The following HSD17B3 variants were observed in gnomAD, a reference collection of about 807,000 sequenced individuals.
The protein encoded by HSD17B3 is hydroxysteroid 17-beta dehydrogenase 3, also known as 17-beta-hydroxysteroid dehydrogenase type 3.
HSD17B3 carries 29 observed loss-of-function variants against 41.1 expected under a neutral mutation model. The ratio of observed to expected loss-of-function variants is 0.71; its 90% confidence interval spans 0.53 to 0.96. The LOEUF (loss-of-function observed/expected upper bound fraction) is 0.96. HSD17B3 is among the 40% of genes least tolerant of loss of function. The probability of loss-of-function intolerance (pLI) is 0.00; values close to 1 mark genes in which losing one functional copy is unlikely to be tolerated. For missense variants in HSD17B3, 323 were observed against 374.6 expected (o/e 0.86, Z 1.14); for synonymous variants, 126 against 145.6 (o/e 0.87, Z 0.97).
In HSD17B3 at chr9:96,280,847, CT is replaced by C. The variant is rs145834001; in HGVS notation, c.201+17568del. Among the ~76,000 whole-genome samples the C allele has an allele frequency of 3.3e-3, 505 of 152,278 alleles. 7 individuals carry two copies. Among genetic ancestry groups the C allele is most frequent in the African/African-American group, 0.011 (457 of 41,556 alleles). ...ACCAATATGGCGAGGAGAGTGACCT[CT>C]GGTCATCCTCATTGCTACACTCCCA... On this transcript the variant is annotated intron_variant, in intron 2 of 10. Coordinates refer to ENST00000375263, the MANE Select transcript of HSD17B3 (RefSeq NM_000197.2).
At chr9:96,245,478 T>G (rs1332495332) in intron 7 of HSD17B3, 52 bp from the exon 8 acceptor site, 1 of 1,383,396 alleles carries the variant, frequency 7.2e-7, no homozygotes, top group Admixed American at 1.7e-5. Flanking sequence ...TACCTGACCT[T>G]GAGTACAAAG....
At chr9:96,249,135 G>C (rs371531057) in intron 6 of HSD17B3, among the ~76,000 whole-genome samples, 1 of 152,094 alleles carries the variant, frequency 6.6e-6, no homozygotes. Flanking sequence ...TCCAACTCCT[G>C]ACCTCAGGTG....
chr9:96,285,188 T>C (rs1394472022), intron 2 of HSD17B3, among the ~76,000 whole-genome samples: 1 of 152,218 alleles, frequency 6.6e-6, no homozygotes, highest in Non-Finnish European at 1.5e-5. Flanking sequence ...ATTCTTGCTG[T>C]ACTTTATACA....
At chr9:96,276,129 A>AAAAC (rs1554700170) in intron 2 of HSD17B3, among the ~76,000 whole-genome samples, 2,445 of 138,068 alleles carry the variant, frequency 0.018, 39 homozygotes, top group Non-Finnish European at 0.03. Flanking sequence ...AAAAAAAAAA[A>AAAAC]AAACAGAAGA....
rs868210811 is a variant in HSD17B3 at position 96,244,259 on chromosome 9, C to A, written c.672+70G>T. 16 of 1,480,250 alleles carry A rather than the reference C, an allele frequency of 1.1e-5. No individual in the cohort carries two copies. In the African/African-American group the frequency reaches 1.1e-4, roughly 10 times the overall value. The allele number at this position is 1,480,250 out of a possible 1,614,324, so 91.7% of individuals were successfully genotyped here. A position where few individuals can be genotyped will look rare whatever the true frequency, so the allele number is the denominator to read the frequency against. ...CCAGCCACGGGAGGTCCAGAGTAAC[C>A]CTTCTCAAGGACTCACAGCCGCCCA... is the stretch of plus-strand genomic sequence containing the variant. On this transcript the variant is annotated intron_variant, in intron 9 of 10. Coordinates refer to ENST00000375263, the MANE Select transcript of HSD17B3 (RefSeq NM_000197.2).
chr9:96,255,363 A>ATTTTTTTTTT (rs1825595207), intron 2 of HSD17B3, among the ~76,000 whole-genome samples: 1 of 46,352 alleles, frequency 2.2e-5, no homozygotes, highest in Non-Finnish European at 4.9e-5. Flanking sequence ...CTGCCCCAAC[A>ATTTTTTTTTT]TTTCTTTTTT....
intron 9 of HSD17B3, among the ~76,000 whole-genome samples, chr9:96,241,972 A>AGAAAGAAAGAAAGAAAGAAG (rs1564023374): frequency 3.5e-5 from 5 of 143,794 alleles, no homozygotes; most frequent in African/African-American, 1.4e-4. Context: ...AAAGAAAGAA[A>AGAAAGAAAGAAAGAAAGAAG]GAAAGAAAGA....
At chr9:96,255,083 T>C in intron 2 of HSD17B3, 140 bp from the exon 3 acceptor site, 1 of 753,548 alleles carries the variant, frequency 1.3e-6, no homozygotes, top group Non-Finnish European at 2.4e-6. Context: ...GTGTGCAGAA[T>C]GTGACAAAGC....
chr9:96,263,979 G>T (rs1297526775), intron 2 of HSD17B3, among the ~76,000 whole-genome samples: 1 of 152,010 alleles, frequency 6.6e-6, no homozygotes, highest in Non-Finnish European at 1.5e-5. Context: ...AAATTGATGA[G>T]AACAGGTTTT....
At chr9:96,301,536 C>A (rs147359361) in intron 1 of HSD17B3, among the ~76,000 whole-genome samples, 1 of 150,924 alleles carries the variant, frequency 6.6e-6, no homozygotes, top group African/African-American at 2.4e-5. Flanking sequence ...CATGGGGGAA[C>A]CCTGTCTCTA....
In HSD17B3 at chr9:96,242,960, A is replaced by G. The variant is rs543283454; in HGVS notation, c.672+1369T>C. On this transcript the variant is annotated intron_variant, in intron 9 of 10. Coordinates refer to ENST00000375263, the MANE Select transcript of HSD17B3 (RefSeq NM_000197.2). ...TGCAAGCAGAGTTGGCCAGTGATTT[A>G]TGAACAGAGGTGACATGTGTCATCT... 4.4e-4 allele frequency among the ~76,000 whole-genome samples: 67 copies of G among 152,258 alleles called. 1 individual carries two copies. Among genetic ancestry groups the G allele is most frequent in the Non-Finnish European group, 8.2e-4 (56 of 68,020 alleles).
intron 6 of HSD17B3, among the ~76,000 whole-genome samples, chr9:96,248,819 G>A (rs1476549793): frequency 6.6e-6 from 1 of 152,044 alleles, no homozygotes; most frequent in South Asian, 2.1e-4. Context: ...AGCTTTGAGG[G>A]ACTCATGCTA....
At position 96,245,542 on chromosome 9, in the gene HSD17B3, G is replaced by A. The variant is rs8190549; in HGVS notation, c.525-116C>T. 689 of 758,724 alleles carry A rather than the reference G, an allele frequency of 9.1e-4. 4 individuals carry two copies. In the African/African-American group the frequency reaches 9.3e-3, roughly 10 times the overall value. The allele number at this position is 758,724 out of a possible 1,614,324, so 47.0% of individuals were successfully genotyped here. ...CGGACTCGACCCTTTCTAGGCTTCC[G>A]CAAGTGCTAGGGGCTCTGCTTCTAG... On this transcript the variant is annotated intron_variant, in intron 7 of 10. Coordinates refer to ENST00000375263, the MANE Select transcript of HSD17B3 (RefSeq NM_000197.2).
At chr9:96,276,547 TTA>T (rs1662166941) in intron 2 of HSD17B3, among the ~76,000 whole-genome samples, 1 of 152,068 alleles carries the variant, frequency 6.6e-6, no homozygotes, top group African/African-American at 2.4e-5. Flanking sequence ...TTTACTAACA[TTA>T]AAAAAGACAT....
chr9:96,286,544 GCCAT>G lies in HSD17B3; in HGVS notation c.201+11868_201+11871del, dbSNP rs577510340. On this transcript the variant is annotated intron_variant, in intron 2 of 10. Coordinates refer to ENST00000375263, the MANE Select transcript of HSD17B3 (RefSeq NM_000197.2). ...TCTCTACTAAAAATACAAAAATTTA[GCCAT>G]GCATGGTGGCACATGCCTGTAATCC... Among the ~76,000 whole-genome samples, 566 of 151,992 alleles carry G rather than the reference GCCAT, an allele frequency of 3.7e-3. 9 individuals are homozygous for G. The highest frequency in any genetic ancestry group is 0.013 in the African/African-American group (531 of 41,446).
chr9:96,297,341 CTTTTT>C (rs71368242), intron 2 of HSD17B3, among the ~76,000 whole-genome samples: 35 of 73,580 alleles, frequency 4.8e-4, no homozygotes, highest in African/African-American at 1.7e-3. Flanking sequence ...TTATTGATTT[CTTTTT>C]TTTTTTTTTT....
intron 8 of HSD17B3, 81 bp from the exon 9 acceptor site, chr9:96,244,475 C>A: frequency 7.8e-7 from 1 of 1,280,164 alleles, no homozygotes; most frequent in African/African-American, 1.5e-5. Context: ...TCAAGGGGCA[C>A]TGCAGACACA....
chr9:96,254,527 C>A (rs968146397), intron 3 of HSD17B3, among the ~76,000 whole-genome samples: 1 of 152,232 alleles, frequency 6.6e-6, no homozygotes, highest in East Asian at 1.9e-4. Context: ...AGAATTGACT[C>A]TCTTTCTTAT....
intron 2 of HSD17B3, among the ~76,000 whole-genome samples, chr9:96,296,109 C>T (rs541970068): frequency 8.2e-4 from 125 of 152,132 alleles, no homozygotes; most frequent in African/African-American, 2.9e-3. Context: ...ATTAGCCAGG[C>T]GTGATGGCAC....
Sources: allele counts gnomAD v4.1 joint callset (sites outside exome capture counted in the v4.1 genomes callset), GRCh38; gene constraint gnomAD v4.1.1; transcripts MANE v1.5; gene names NCBI Gene and HGNC (gene_info 2026-07-23, HGNC 2026-07-21).